Variants in MTUS2 observed in about 807,000 individuals in gnomAD.
The protein encoded by MTUS2 is microtubule associated scaffold protein 2.
In MTUS2, 40 loss-of-function variants were observed where a neutral mutation model predicts 114.1. The ratio of observed to expected loss-of-function variants is 0.35; its 90% CI spans 0.27 to 0.46. MTUS2 has a LOEUF of 0.46. Among genes scored for constraint, MTUS2 ranks in the 20% least tolerant of loss-of-function variants. MTUS2 has a pLI of 1.00. For missense variants in MTUS2, 1,679 were observed against 1,705.4 expected, an observed-to-expected ratio of 0.98 and a Z score of 0.27; for synonymous variants, 688 against 672.0, an observed-to-expected ratio of 1.02 and a Z score of -0.37.
At chr13:29,170,932 A>T (rs150481673) in intron 5 of MTUS2, among the ~76,000 whole-genome samples, 112 of 152,302 alleles carry the variant, frequency 7.4e-4, no homozygotes, top group African/African-American at 2.6e-3. Flanking sequence ...TTGAATGGCG[A>T]GGGAGTGTGG....
At chr13:29,140,728 G>T (rs1283935526) in intron 5 of MTUS2, among the ~76,000 whole-genome samples, 2 of 152,164 alleles carry the variant, frequency 1.3e-5, no homozygotes, top group Non-Finnish European at 2.9e-5. Flanking sequence ...CTCTTCCTCT[G>T]TTGAGTTTGG....
intron 5 of MTUS2, chr13:29,239,687 A>G (rs1019499709): frequency 6.6e-6 from 1 of 152,216 alleles, no homozygotes; most frequent in Admixed American, 6.5e-5. Context: ...GGAAGGGCAT[A>G]TCTGACAAAT....
intron 1 of MTUS2, among the ~76,000 whole-genome samples, chr13:28,834,789 T>C (rs1352396162): frequency 6.6e-6 from 1 of 152,186 alleles, no homozygotes; most frequent in African/African-American, 2.4e-5. Context: ...AAGGATCTTG[T>C]ATCCAGAATA....
At chr13:29,049,466 G>A (rs1219261892) in intron 4 of MTUS2, among the ~76,000 whole-genome samples, 1 of 152,198 alleles carries the variant, frequency 6.6e-6, no homozygotes, top group Non-Finnish European at 1.5e-5. Context: ...TCAGCCCTTT[G>A]GCTGAGAGGT....
At chr13:28,976,553 A>G (rs1160318509) in intron 2 of MTUS2, among the ~76,000 whole-genome samples, 10 of 152,172 alleles carry the variant, frequency 6.6e-5, no homozygotes, top group African/African-American at 2.4e-4. Context: ...AGGGAGATCA[A>G]TTATGTGGCT....
intron 1 of MTUS2, among the ~76,000 whole-genome samples, chr13:28,833,480 C>T (rs141845692): frequency 0.01 from 1,568 of 151,894 alleles, 15 homozygotes; most frequent in South Asian, 0.021. Flanking sequence ...TTAATAGAAA[C>T]AAACAAACAA....
chr13:29,030,211 T>C (rs914231150), intron 3 of MTUS2, among the ~76,000 whole-genome samples: 2 of 152,178 alleles, frequency 1.3e-5, no homozygotes, highest in African/African-American at 4.8e-5. Flanking sequence ...AGGCACCACG[T>C]CAAGACTCAA....
chr13:29,383,110 A>T (rs1872338720), intron 8 of MTUS2, among the ~76,000 whole-genome samples: 1 of 152,066 alleles, frequency 6.6e-6, no homozygotes, highest in Non-Finnish European at 1.5e-5. Flanking sequence ...AATGATGGAT[A>T]TATATTCTTT....
At chr13:29,432,010 AT>A (rs57182093) in intron 8 of MTUS2, among the ~76,000 whole-genome samples, 2,637 of 81,016 alleles carry the variant, frequency 0.033, 29 homozygotes, top group Middle Eastern at 0.085. Flanking sequence ...ACGCTCAGCT[AT>A]TTTTTTTTTT....
At chr13:29,430,579 C>CT (rs1250353654) in intron 8 of MTUS2, among the ~76,000 whole-genome samples, 2 of 152,122 alleles carry the variant, frequency 1.3e-5, no homozygotes, top group Non-Finnish European at 2.9e-5. Context: ...CATTTCTTGT[C>CT]TTTTCTTTGC....
At position 29,114,783 on chromosome 13, in the gene MTUS2, C is replaced by T. The variant is rs1355828483; in HGVS notation, c.2644+13813C>T. Among the ~76,000 whole-genome samples the T allele has an allele frequency of 2.6e-5, 4 of 152,228 alleles. No homozygotes were observed. The South Asian group carries it at 6.2e-4, about 24-fold the overall frequency. On this transcript the variant is annotated intron_variant, in intron 5 of 15. Transcript: ENST00000612955. The stretch of plus-strand genomic sequence containing the variant: ...GGCAGGGATGCAATGAGGGTCAGAG[C>T]TAACGCCTCAGCTTGAGGCAGTTCT...
chr13:28,940,929 A>G (rs1305483040), intron 2 of MTUS2, among the ~76,000 whole-genome samples: 3 of 152,144 alleles, frequency 2.0e-5, no homozygotes, highest in African/African-American at 7.2e-5. Context: ...CATGTACCAT[A>G]AAAACATTAA....
intron 2 of MTUS2, among the ~76,000 whole-genome samples, chr13:28,864,407 T>A (rs190659982): frequency 1.7e-4 from 26 of 152,312 alleles, no homozygotes; most frequent in African/African-American, 5.5e-4. Flanking sequence ...GGGAATGTGT[T>A]GTGGCAAGAG....
intron 6 of MTUS2, among the ~76,000 whole-genome samples, chr13:29,286,216 G>A (rs926277569): frequency 3.9e-5 from 6 of 152,098 alleles, no homozygotes; most frequent in Admixed American, 1.3e-4. Flanking sequence ...ATGAGCCACC[G>A]CACCCGAATT....
At chr13:28,969,093 G>A (rs1883733698) in intron 2 of MTUS2, among the ~76,000 whole-genome samples, 1 of 152,074 alleles carries the variant, frequency 6.6e-6, no homozygotes, top group African/African-American at 2.4e-5. Context: ...CCAGGTTAGA[G>A]TGCAGTGGCA....
At chr13:28,891,995 G>A (rs1878960767) in intron 2 of MTUS2, among the ~76,000 whole-genome samples, 1 of 151,596 alleles carries the variant, frequency 6.6e-6, no homozygotes, top group Admixed American at 6.6e-5. Context: ...TCCCCGGGAA[G>A]CCCTCCTTAA....
At chr13:28,919,858 G>C (rs375610590) in intron 2 of MTUS2, among the ~76,000 whole-genome samples, 16 of 152,098 alleles carry the variant, frequency 1.1e-4, no homozygotes, top group Non-Finnish European at 1.8e-4. Context: ...AATAGACTCT[G>C]ATGTACTCTT....
intron 8 of MTUS2, among the ~76,000 whole-genome samples, chr13:29,408,738 T>G (rs943191527): frequency 8.5e-5 from 13 of 152,162 alleles, no homozygotes; most frequent in Non-Finnish European, 1.3e-4. Flanking sequence ...TAGCCCATTC[T>G]TTTCTCATTT....
chr13:29,059,206 C>G (rs1415473701), intron 4 of MTUS2, among the ~76,000 whole-genome samples: 4 of 114,714 alleles, frequency 3.5e-5, no homozygotes, highest in African/African-American at 1.3e-4. Context: ...TTCCTTCAGT[C>G]TTTGAAGTTG....
Sources: allele counts gnomAD v4.1 joint callset (sites outside exome capture counted in the v4.1 genomes callset), GRCh38; gene constraint gnomAD v4.1.1; transcripts MANE v1.5; gene names NCBI Gene and HGNC (gene_info 2026-07-23, HGNC 2026-07-21).